Variants in CTNNA3 observed in about 807,000 individuals in gnomAD.
CTNNA3 encodes catenin alpha-3.
In CTNNA3, 76 loss-of-function variants were observed where a neutral mutation model predicts 95.7. The ratio of observed to expected loss-of-function variants is 0.79; its 90% CI spans 0.66 to 0.96. The LOEUF (loss-of-function observed/expected upper bound fraction) is 0.96, where lower values mean the gene tolerates loss of function less well. Among genes scored for constraint, CTNNA3 ranks in the 40% least tolerant of loss-of-function variants. The probability of loss-of-function intolerance (pLI) is 0.00; values close to 1 mark genes in which losing one functional copy is unlikely to be tolerated. For missense variants in CTNNA3, 1,191 were observed against 1,089.8 expected, an observed-to-expected ratio of 1.09 and a Z score of -1.31; for synonymous variants, 431 against 374.4, an observed-to-expected ratio of 1.15 and a Z score of -1.74.
intron 13 of CTNNA3, among the ~76,000 whole-genome samples, chr10:66,155,608 G>C (rs2084455188): frequency 6.6e-6 from 1 of 151,780 alleles, no homozygotes; most frequent in African/African-American, 2.4e-5. Flanking sequence ...GGGAGCGGAG[G>C]ACCATCTTAA....
chr10:66,693,475 C>T (rs1048283100), intron 9 of CTNNA3, among the ~76,000 whole-genome samples: 14 of 150,800 alleles, frequency 9.3e-5, no homozygotes, highest in Admixed American at 5.9e-4. Flanking sequence ...TCCTGAGTGA[C>T]CTACAACGAG....
intron 9 of CTNNA3, among the ~76,000 whole-genome samples, chr10:66,711,439 A>C (rs2132606996): frequency 6.6e-6 from 1 of 151,676 alleles, no homozygotes; most frequent in African/African-American, 2.4e-5. Context: ...GGTGTCCCTC[A>C]TTCATATGTC....
At chr10:66,530,662 C>A (rs570826772) in intron 10 of CTNNA3, among the ~76,000 whole-genome samples, 2 of 152,020 alleles carry the variant, frequency 1.3e-5, no homozygotes, top group Admixed American at 1.3e-4. Flanking sequence ...ACCTAACCTG[C>A]CATGGACTCC....
At chr10:67,613,335 CGTACT>C (rs1843527661) in intron 2 of CTNNA3, among the ~76,000 whole-genome samples, 3 of 150,490 alleles carry the variant, frequency 2.0e-5, no homozygotes, top group African/African-American at 4.9e-5. Flanking sequence ...ACAGAGCCAG[CGTACT>C]GTGAAAAATA....
intron 17 of CTNNA3, among the ~76,000 whole-genome samples, chr10:65,928,790 G>A (rs952482262): frequency 2.6e-5 from 4 of 152,130 alleles, no homozygotes; most frequent in Non-Finnish European, 4.4e-5. Context: ...CATTATTTAT[G>A]TTTAAAACTC....
chr10:66,318,263 T>TAC (rs1429757270), intron 12 of CTNNA3, among the ~76,000 whole-genome samples: 4 of 90,422 alleles, frequency 4.4e-5, no homozygotes, highest in Non-Finnish European at 8.2e-5. Flanking sequence ...TGCTGGGAGA[T>TAC]ATATATATAT....
chr10:66,394,418 T>C (rs1442517103), intron 11 of CTNNA3, among the ~76,000 whole-genome samples: 1 of 151,886 alleles, frequency 6.6e-6, no homozygotes, highest in Non-Finnish European at 1.5e-5. Flanking sequence ...AAACAAACCT[T>C]AGGCATTCTC....
intron 5 of CTNNA3, among the ~76,000 whole-genome samples, chr10:67,490,219 T>C (rs1671137874): frequency 6.6e-6 from 1 of 152,306 alleles, no homozygotes; most frequent in South Asian, 2.1e-4. Flanking sequence ...CAAACAGAAA[T>C]GTCACAACAA....
At chr10:67,598,137 G>C (rs1313922869) in intron 3 of CTNNA3, among the ~76,000 whole-genome samples, 1 of 152,160 alleles carries the variant, frequency 6.6e-6, no homozygotes, top group Middle Eastern at 3.4e-3. Context: ...CCACCTAGAG[G>C]AGTATGGCAA....
intron 6 of CTNNA3, among the ~76,000 whole-genome samples, chr10:67,217,178 T>A (rs1306339796): frequency 6.6e-6 from 1 of 152,222 alleles, no homozygotes; most frequent in East Asian, 1.9e-4. Context: ...ATTTACTTCA[T>A]AGTATTATAT....
At chr10:67,404,122 C>T (rs1431043330) in intron 5 of CTNNA3, among the ~76,000 whole-genome samples, 1 of 152,030 alleles carries the variant, frequency 6.6e-6, no homozygotes, top group Non-Finnish European at 1.5e-5. Flanking sequence ...ACACAGAAAA[C>T]TCAAAAATCC....
At chr10:67,626,592 T>C (rs990306268) in intron 2 of CTNNA3, among the ~76,000 whole-genome samples, 1 of 152,188 alleles carries the variant, frequency 6.6e-6, no homozygotes, top group Admixed American at 6.5e-5. Context: ...CTGAAGCCTC[T>C]TGAGAACCAC....
intron 9 of CTNNA3, among the ~76,000 whole-genome samples, chr10:66,759,850 A>T (rs1380166582): frequency 6.6e-6 from 1 of 152,200 alleles, no homozygotes; most frequent in Non-Finnish European, 1.5e-5. Context: ...TTGAAATTAT[A>T]GTGTTTGGGG....
chr10:66,706,874 G>A lies in CTNNA3; in HGVS notation c.1281+59390C>T, dbSNP rs577727056. The stretch of plus-strand genomic sequence containing the variant: ...AGCCACAGTAATGAGAGAGTGTTTC[G>A]GTAGAATAAAGTGTGAAATTTGTAG... On this transcript the variant is annotated intron_variant, in intron 9 of 17. Coordinates refer to ENST00000433211, the MANE Select transcript of CTNNA3 (RefSeq NM_013266.4). Among the ~76,000 whole-genome samples the A allele has an allele frequency of 2.8e-3, 427 of 151,930 alleles. 2 individuals carry two copies. The highest frequency in any genetic ancestry group is 9.2e-3 in the African/African-American group (383 of 41,472).
chr10:66,544,018 T>TATCC (rs1841960991), intron 10 of CTNNA3, among the ~76,000 whole-genome samples: 1 of 149,328 alleles, frequency 6.7e-6, no homozygotes, highest in Non-Finnish European at 1.5e-5. Context: ...ATGACCTATC[T>TATCC]GCCAGCTCCA....
At chr10:66,410,041 C>T (rs1188560379) in intron 11 of CTNNA3, among the ~76,000 whole-genome samples, 1 of 152,184 alleles carries the variant, frequency 6.6e-6, no homozygotes, top group Non-Finnish European at 1.5e-5. Flanking sequence ...GTAATCTGTG[C>T]TAAAAGCAAG....
chr10:67,272,695 T>C (rs1171835227), intron 5 of CTNNA3, among the ~76,000 whole-genome samples: 1 of 152,178 alleles, frequency 6.6e-6, no homozygotes, highest in Admixed American at 6.6e-5. Flanking sequence ...GGGAAGAAAG[T>C]TTTAGTTCTC....
intron 7 of CTNNA3, among the ~76,000 whole-genome samples, chr10:66,995,979 AC>A (rs1851309924): frequency 6.6e-6 from 1 of 152,208 alleles, no homozygotes. Flanking sequence ...AATTATTTTC[AC>A]ATTACCTTAC....
intron 3 of CTNNA3, among the ~76,000 whole-genome samples, chr10:67,567,513 C>G (rs1319180664): frequency 6.6e-6 from 1 of 151,996 alleles, no homozygotes; most frequent in African/African-American, 2.4e-5. Context: ...GTGATGAATA[C>G]CTTGAAAGCC....
Sources: gnomAD v4.1 joint callset for allele counts (sites outside exome capture counted in the v4.1 genomes callset) on GRCh38, gnomAD v4.1.1 for gene constraint, MANE v1.5 for transcripts, NCBI Gene and HGNC (gene_info 2026-07-23, HGNC 2026-07-21) for gene names.